MROH6: variants seen among roughly 807,000 people sequenced by gnomAD.
The protein encoded by MROH6 is maestro heat like repeat family member 6.
In MROH6, 62 loss-of-function variants were observed where a neutral mutation model predicts 67.7. The ratio of observed to expected loss-of-function variants is 0.92; its 90% CI spans 0.75 to 1.13. MROH6 has a LOEUF of 1.13. MROH6 is among the 50% of genes most tolerant of loss of function. The probability of loss-of-function intolerance (pLI) is 0.00; values close to 1 mark genes in which losing one functional copy is unlikely to be tolerated. For missense variants in MROH6, 1,175 were observed against 1,029.1 expected (o/e 1.14, Z -1.94); for synonymous variants, 566 against 470.8 (o/e 1.20, Z -2.62).
Position 143,571,100 on chromosome 8 carries a change from G to A in MROH6, c.603-106C>T. On this transcript the variant is annotated intron_variant, in intron 3 of 13. Coordinates refer to ENST00000398882, the MANE Select transcript of MROH6 (RefSeq NM_001100878.2). ...AGGCAGCCAGTAGGACTCCAGCAGG[G>A]GAGGGGCAGGAAACCCCTCCCATCT... 3 of 833,196 alleles carry A rather than the reference G, an allele frequency of 3.6e-6. No individual in the cohort carries two copies. The Admixed American group carries it at 7.3e-5, about 20-fold the overall frequency. The allele number at this position is 833,196 out of a possible 1,614,324, so 51.6% of individuals were successfully genotyped here.
At position 143,571,606 on chromosome 8, in the gene MROH6, G is replaced by A. The variant is rs561840843; in HGVS notation, c.602+61C>T. On this transcript the variant is annotated intron_variant, in intron 3 of 13. Coordinates refer to ENST00000398882, the MANE Select transcript of MROH6 (RefSeq NM_001100878.2). ...CCCTCTTCTGGGGCCAGACTCCACC[G>A]CCAAGCGGGAAGAGGGAAGGAAGCC... 3,227 of 1,541,838 alleles carry A rather than the reference G, an allele frequency of 2.1e-3. 6 individuals carry two copies. Among genetic ancestry groups the A allele is most frequent in the Non-Finnish European group, 2.7e-3 (3,035 of 1,144,452 alleles).
In MROH6 at chr8:143,567,411, A is replaced by G. The variant is rs1823679128; in HGVS notation, c.1988T>C (p.Val663Ala). The part of the protein sequence containing the change: ...PKPAVAAAAH[V>A]SAQQVAMLAR... ...CAGCATCGCCACCTGCTGAGCGGAC[A>G]CGTGCGCTGCCGCGGCCACAGCCGG... Residue 663 changes from valine (V) to alanine (A), a missense_variant, in exon 14 of 14, where the codon GTG becomes GCG. Coordinates refer to ENST00000398882, the MANE Select transcript of MROH6 (RefSeq NM_001100878.2). 7.6e-7 allele frequency: 1 copy of G among 1,309,102 alleles called. No individual in the cohort carries two copies. Among genetic ancestry groups the G allele is most frequent in the Admixed American group, 3.9e-5 (1 of 25,956 alleles). 81.1% of individuals were successfully genotyped at this position (1,309,102 alleles called of 1,614,324 possible).
Position 143,570,296 on chromosome 8 carries a change from C to T in MROH6, c.990G>A (p.Trp330Ter), listed in dbSNP as rs1823936895. 6.2e-7 allele frequency: 1 copy of T among 1,607,866 alleles called. No homozygotes were observed. Among genetic ancestry groups the T allele is most frequent in the Non-Finnish European group, 8.5e-7 (1 of 1,179,126 alleles). Residue 330 changes from tryptophan (W) to a stop codon, truncating the protein, a stop_gained, in exon 6 of 14, where the codon TGG (tryptophan) becomes TGA (stop). Transcript: ENST00000398882. LOFTEE classifies it high-confidence loss of function. ...GGGTGTGGGCTCCCACCAGCCTCCT[C>T]CAGCCTCCTGCCTGCTCCATGCACG... ...VVTCMEQAGG[W>*]RRLVGAHTHL...
At chr8:143,569,320 G>T in intron 9 of MROH6, 121 bp downstream of exon 9, 1 of 655,858 alleles carries the variant, frequency 1.5e-6, no homozygotes, top group Non-Finnish European at 2.3e-6. Context: ...GGGCGGGGCG[G>T]GGCCTGAGAG....
chr8:143,567,922 G>A (rs1278764985), intron 11 of MROH6, 34 bp from the exon 12 acceptor site: 9 of 1,506,444 alleles, frequency 6.0e-6, no homozygotes, highest in South Asian at 1.3e-5. Flanking sequence ...AGGACAGGAG[G>A]GCTGATCCTG....
rs763897608 is a variant in MROH6, at chr8:143,570,355, G to C, written c.931C>G (p.Leu311Val). ...ATGCGGCCTCCATCCCCGGTGAGCA[G>C]CGCCTTCAAGGCCTCCACAGCACAG... is the stretch of plus-strand genomic sequence containing the variant. ...ASCAVEALKALLTGDGGRMVV... is the reference protein window; with the variant it reads ...ASCAVEALKAVLTGDGGRMVV... Residue 311 changes from leucine to valine, a missense_variant, in exon 6 of 14, where the codon CTG (leucine) becomes GTG (valine). Leu to Val is a conservative substitution (Grantham distance 32). Coordinates refer to ENST00000398882, the MANE Select transcript of MROH6 (RefSeq NM_001100878.2). The C allele has an allele frequency of 6.2e-7, 1 of 1,610,736 alleles. No individual in the cohort carries two copies. Among genetic ancestry groups the C allele is most frequent in the African/African-American group, 1.3e-5 (1 of 74,938 alleles).
rs1823932694 is a variant in MROH6 at position 143,570,254 on chromosome 8, C to G, written c.1032G>C (p.Leu344=). 6.4e-7 allele frequency: 1 copy of G among 1,565,348 alleles called. No individual in the cohort carries two copies. Among genetic ancestry groups the G allele is most frequent in the African/African-American group, 1.4e-5 (1 of 72,578 alleles). ...VGAHTHLEGV[L]LLASAMVAHA... ...CTCACCCTCCTCACCTGGCCAGCAGCAGGACGCCCTCCAGGTGGGTGTGGG... is the reference window on the plus strand; with the variant it reads ...CTCACCCTCCTCACCTGGCCAGCAGGAGGACGCCCTCCAGGTGGGTGTGGG... Residue 344 remains leucine (L), a synonymous_variant, in exon 6 of 14, where the codon CTG becomes CTC. Coordinates refer to ENST00000398882, the MANE Select transcript of MROH6 (RefSeq NM_001100878.2).
chr8:143,567,751 G>A (rs1413308931), intron 12 of MROH6, 35 bp downstream of exon 12: 21 of 1,570,038 alleles, frequency 1.3e-5, no homozygotes, highest in African/African-American at 5.4e-5. Context: ...CCAAAGCCCC[G>A]GTGCCAGGGG....
Position 143,570,549 on chromosome 8 carries a change from C to T in MROH6, c.829G>A (p.Ala277Thr). The T allele has an allele frequency of 5.0e-6, 8 of 1,610,494 alleles. No individual in the cohort carries two copies. Among genetic ancestry groups the T allele is most frequent in the Non-Finnish European group, 5.9e-6 (7 of 1,179,844 alleles). ...LALVTQLHKL[A>T]RSPCSPDMPK... ...ATGTCGGGGGAGCACGGGCTGCGGG[C>T]CAGCTTGTGCAGCTGTGTGACCAGC... is the stretch of plus-strand genomic sequence containing the variant. The change falls in exon 5 of 14, where the codon GCC (alanine) becomes ACC (threonine). Residue 277 changes from alanine (A) to threonine (T), a missense_variant. Transcript: ENST00000398882.
intron 10 of MROH6, 107 bp downstream of exon 10, chr8:143,568,445 T>G (rs1288636770): frequency 2.1e-6 from 3 of 1,443,932 alleles, no homozygotes; most frequent in African/African-American, 1.4e-5. Context: ...GCCACTGAGG[T>G]CCTTGGGATG....
rs113798168 is a variant in MROH6 at position 143,570,962 on chromosome 8, C to T, written c.635G>A (p.Arg212His). 1.1e-3 allele frequency: 1,715 copies of T among 1,548,488 alleles called. 25 individuals carry two copies. In the African/African-American group the frequency reaches 0.021, roughly 19 times the overall value. ...CACCTGCCCATTTACACGCTGGTTA[C>T]GGCTTAGGCTGCGCCAGAGCTCGGC... ...VAAELWRSLS[R>H]NQRVNGQVLV... is the part of the protein sequence containing the mutation. Residue 212 changes from arginine to histidine, a missense_variant, in exon 4 of 14, where the codon CGT (arginine) becomes CAT (histidine). Physicochemically the swap from Arg to His is conservative, Grantham distance 29. Coordinates refer to ENST00000398882, the MANE Select transcript of MROH6 (RefSeq NM_001100878.2).
intron 11 of MROH6, 56 bp from the exon 12 acceptor site, chr8:143,567,944 G>A (rs766090340): frequency 6.7e-7 from 1 of 1,485,076 alleles, no homozygotes; most frequent in South Asian, 1.4e-5. Flanking sequence ...GTGCGGAGGA[G>A]GCTGCAGAGC....
chr8:143,572,572 C>T lies in MROH6; in HGVS notation c.143G>A (p.Trp48Ter). 1 of 1,605,728 alleles carries T rather than the reference C, an allele frequency of 6.2e-7. No individual in the cohort carries two copies. Among genetic ancestry groups the T allele is most frequent in the Non-Finnish European group, 8.5e-7 (1 of 1,177,528 alleles). The change falls in exon 1 of 14, where the codon TGG becomes TAG. Residue 48 changes from tryptophan (W) to a stop codon, truncating the protein, a stop_gained. Coordinates refer to ENST00000398882, the MANE Select transcript of MROH6 (RefSeq NM_001100878.2). LOFTEE classifies it high-confidence loss of function. ...PPSAGPQPKS[W>*]EVKPEAEPQT... ...TGGCTCAGCCTCAGGTTTGACCTCC[C>T]AGGACTTGGGCTGAGGGCCTGCGGA...
chr8:143,570,035 C>A lies in MROH6; in HGVS notation c.1074G>T (p.Leu358=), dbSNP rs1050145480. The change falls in exon 7 of 14, where the codon CTG becomes CTT. Residue 358 remains leucine, a synonymous_variant. Coordinates refer to ENST00000398882, the MANE Select transcript of MROH6 (RefSeq NM_001100878.2). The part of the protein sequence containing the change: ...SAMVAHADHH[L]RGLFADLLPR... ...GGAGCAAGTCTGCGAAGAGGCCTCG[C>A]AGGTGGTGGTCGGCATGTGCCACCA... 6.2e-7 allele frequency: 1 copy of A among 1,612,562 alleles called. No homozygotes were observed. Among genetic ancestry groups the A allele is most frequent in the Non-Finnish European group, 8.5e-7 (1 of 1,179,838 alleles).
At position 143,569,812 on chromosome 8, in the gene MROH6, AGCCGTGCGGTGG is replaced by A; in HGVS notation, c.1175_1186del (p.Pro392_Arg395del). ...CTCCAGGATGACCTCCTCCCGCAGG[AGCCGTGCGGTGG>A]GCCGGCTCTGCAACAGCTAGGCGAG... On this transcript the variant is annotated inframe_deletion, in exon 8 of 14. Transcript: ENST00000398882. The A allele has an allele frequency of 6.2e-7, 1 of 1,611,726 alleles. No homozygotes were observed. Among genetic ancestry groups the A allele is most frequent in the Non-Finnish European group, 8.5e-7 (1 of 1,179,302 alleles).
At position 143,571,693 on chromosome 8, in the gene MROH6, C is replaced by T. The variant is rs1824050557; in HGVS notation, c.576G>A (p.Leu192=). ...LEHARDVVCA[L]LPRSLPADRV... is the part of the protein sequence containing the mutation. The stretch of plus-strand genomic sequence containing the variant: ...GATCGGCGGGCAGAGAGCGGGGTAG[C>T]AGCGCACACACCACGTCCCGCGCAT... The change falls in exon 3 of 14, where the codon CTG becomes CTA. Residue 192 remains leucine, a synonymous_variant. Transcript: ENST00000398882. 7.7e-6 allele frequency: 12 copies of T among 1,552,340 alleles called. No homozygotes were observed. The South Asian group carries it at 1.4e-4, about 18-fold the overall frequency.
At position 143,572,149 on chromosome 8, in the gene MROH6, C is replaced by T. The variant is rs753363440; in HGVS notation, c.331G>A (p.Asp111Asn). The part of the protein sequence containing the change: ...QSSWEEGVLA[D>N]LALYTAACLE... The stretch of plus-strand genomic sequence containing the variant: ...CAGGCAGCCGTGTACAACGCGAGGT[C>T]GGCAAGAACTCCCTCCTCCCAGGAA... The change falls in exon 2 of 14, where the codon GAC becomes AAC. Residue 111 changes from aspartate (D) to asparagine (N), a missense_variant. Physicochemically the swap from Asp to Asn is conservative, Grantham distance 23. Coordinates refer to ENST00000398882, the MANE Select transcript of MROH6 (RefSeq NM_001100878.2). 14 of 1,612,948 alleles carry T rather than the reference C, an allele frequency of 8.7e-6. No individual in the cohort carries two copies. The South Asian group carries it at 1.4e-4, about 16-fold the overall frequency.
chr8:143,572,480 C>T lies in MROH6; in HGVS notation c.235G>A (p.Gly79Ser). 6.2e-7 allele frequency: 1 copy of T among 1,603,262 alleles called. No individual in the cohort carries two copies. Among genetic ancestry groups the T allele is most frequent in the Non-Finnish European group, 8.5e-7 (1 of 1,177,098 alleles). The change falls in exon 1 of 14, where the codon GGC (glycine) becomes AGC (serine). Residue 79 changes from glycine (G) to serine (S), a missense_variant. Transcript: ENST00000398882. ...PGRGATVPEA[G>S]SEPCSLNSAL... is the part of the protein sequence containing the mutation. Reference sequence around the variant, plus strand: ...CTGTTGAGGGAGCAGGGCTCGCTGCCAGCTTCAGGGACGGTGGCCCCACGT... The same window carrying T: ...CTGTTGAGGGAGCAGGGCTCGCTGCTAGCTTCAGGGACGGTGGCCCCACGT...
At chr8:143,570,185 G>T in intron 6 of MROH6, 58 bp downstream of exon 6, 1 of 1,557,302 alleles carries the variant, frequency 6.4e-7, no homozygotes. Flanking sequence ...CCAGCACCTG[G>T]CCAGCAACGA....
Sources: gnomAD v4.1 joint callset for allele counts on GRCh38, gnomAD v4.1.1 for gene constraint, MANE v1.5 for transcripts, NCBI Gene and HGNC (gene_info 2026-07-23, HGNC 2026-07-21) for gene names.